Variants in CTNND2 observed in about 807,000 individuals in gnomAD.
The protein encoded by CTNND2 is catenin delta 2.
In CTNND2, 22 loss-of-function variants were observed where a neutral mutation model predicts 144.4. The ratio of observed to expected loss-of-function variants is 0.15; its 90% CI spans 0.11 to 0.22. The LOEUF is 0.22. Ranked by LOEUF, CTNND2 falls within the 10% of genes least tolerant of loss-of-function variation. The pLI, the probability that CTNND2 is intolerant of heterozygous loss-of-function variation, is 1.00. For missense variants in CTNND2, 1,353 were observed against 1,618.8 expected (o/e 0.84, Z 2.82); for synonymous variants, 751 against 695.6 (o/e 1.08, Z -1.25).
At chr5:11,820,721 G>A (rs1793263265) in intron 1 of CTNND2, among the ~76,000 whole-genome samples, 1 of 152,130 alleles carries the variant, frequency 6.6e-6, no homozygotes, top group South Asian at 2.1e-4. Context: ...TCCTGTTAAT[G>A]GGGAACTCAA....
chr5:11,775,657 G>C (rs1034465909), intron 1 of CTNND2, among the ~76,000 whole-genome samples: 1 of 152,190 alleles, frequency 6.6e-6, no homozygotes, highest in African/African-American at 2.4e-5. Context: ...TAAGGGTGCT[G>C]CTGCTTTCAG....
chr5:11,064,652 C>T (rs1204900207), intron 16 of CTNND2, among the ~76,000 whole-genome samples: 1 of 146,176 alleles, frequency 6.8e-6, no homozygotes, highest in Non-Finnish European at 1.6e-5. Flanking sequence ...CTGTTTAAAC[C>T]CCCTACCTCA....
intron 1 of CTNND2, among the ~76,000 whole-genome samples, chr5:11,811,441 T>C (rs1792327845): frequency 6.6e-6 from 1 of 152,150 alleles, no homozygotes; most frequent in South Asian, 2.1e-4. Flanking sequence ...TCTTTAAAGA[T>C]TATCATGAAA....
At chr5:11,832,357 G>A (rs1793951809) in intron 1 of CTNND2, among the ~76,000 whole-genome samples, 1 of 151,824 alleles carries the variant, frequency 6.6e-6, no homozygotes, top group South Asian at 2.1e-4. Flanking sequence ...AAAAGACAAG[G>A]CACAGTCTGG....
At chr5:11,405,578 T>TAA (rs78929620) in intron 5 of CTNND2, among the ~76,000 whole-genome samples, 4 of 145,078 alleles carry the variant, frequency 2.8e-5, no homozygotes, top group African/African-American at 1.0e-4. Flanking sequence ...AGGACTCCGT[T>TAA]AAAAAAAAAA....
At chr5:11,884,033 T>A (rs941823785) in intron 1 of CTNND2, among the ~76,000 whole-genome samples, 4 of 152,342 alleles carry the variant, frequency 2.6e-5, no homozygotes, top group Non-Finnish European at 4.4e-5. Context: ...GGTTGTTTTT[T>A]TCTTGTACAT....
intron 3 of CTNND2, among the ~76,000 whole-genome samples, chr5:11,519,937 G>A (rs971052191): frequency 1.1e-4 from 17 of 151,560 alleles, no homozygotes; most frequent in Admixed American, 7.2e-4. Flanking sequence ...TCAGGAGTTC[G>A]AGACCAGCCT....
chr5:11,632,338 G>A (rs141990187), intron 2 of CTNND2, among the ~76,000 whole-genome samples: 4 of 152,222 alleles, frequency 2.6e-5, no homozygotes, highest in East Asian at 1.9e-4. Flanking sequence ...GGGGTCCTGC[G>A]GTGAGGAGGA....
At chr5:11,369,945 G>A (rs2149780113) in intron 7 of CTNND2, among the ~76,000 whole-genome samples, 1 of 152,266 alleles carries the variant, frequency 6.6e-6, no homozygotes, top group Non-Finnish European at 1.5e-5. Flanking sequence ...ACACAGAAGT[G>A]ATTTTATGTG....
intron 2 of CTNND2, among the ~76,000 whole-genome samples, chr5:11,715,084 G>T (rs1281505046): frequency 2.0e-5 from 3 of 152,132 alleles, no homozygotes; most frequent in Non-Finnish European, 4.4e-5. Flanking sequence ...CTGTCTTAGA[G>T]TGAATTTTTC....
intron 1 of CTNND2, among the ~76,000 whole-genome samples, chr5:11,802,227 G>A (rs1222253565): frequency 6.6e-6 from 1 of 150,408 alleles, no homozygotes; most frequent in East Asian, 2.0e-4. Flanking sequence ...AGCTGAGATC[G>A]CACCACTGCA....
chr5:11,856,942 T>A (rs1413175267), intron 1 of CTNND2, among the ~76,000 whole-genome samples: 1 of 152,194 alleles, frequency 6.6e-6, no homozygotes, highest in South Asian at 2.1e-4. Context: ...TTTTCAAAAT[T>A]ATCAAATTCC....
At chr5:11,055,063 T>G (rs1746213307) in intron 16 of CTNND2, among the ~76,000 whole-genome samples, 1 of 152,146 alleles carries the variant, frequency 6.6e-6, no homozygotes, top group Non-Finnish European at 1.5e-5. Flanking sequence ...GCTTGAAGTG[T>G]GGCAGGACTG....
At chr5:11,713,737 C>G (rs983586562) in intron 2 of CTNND2, among the ~76,000 whole-genome samples, 9 of 152,010 alleles carry the variant, frequency 5.9e-5, no homozygotes, top group African/African-American at 2.2e-4. Flanking sequence ...TCAATACAGA[C>G]AAATAAAATG....
chr5:11,262,578 T>C (rs1369765603), intron 9 of CTNND2, among the ~76,000 whole-genome samples: 4 of 151,578 alleles, frequency 2.6e-5, no homozygotes, highest in East Asian at 3.9e-4. Flanking sequence ...CTGGCTAACA[T>C]GGTGAAACCC....
intron 16 of CTNND2, among the ~76,000 whole-genome samples, chr5:11,039,312 A>T (rs1042298944): frequency 6.6e-6 from 1 of 152,190 alleles, no homozygotes; most frequent in Non-Finnish European, 1.5e-5. Flanking sequence ...TTTTGTACTT[A>T]GTTTTAAATG....
At chr5:11,665,283 G>C (rs775429991) in intron 2 of CTNND2, among the ~76,000 whole-genome samples, 4 of 152,148 alleles carry the variant, frequency 2.6e-5, no homozygotes, top group Non-Finnish European at 4.4e-5. Flanking sequence ...CCAGCTATGA[G>C]ATAGTGAGCA....
intron 3 of CTNND2, among the ~76,000 whole-genome samples, chr5:11,428,577 A>T (rs908947863): frequency 6.6e-6 from 1 of 152,202 alleles, no homozygotes; most frequent in African/African-American, 2.4e-5. Context: ...CAGAGACTAA[A>T]CCACATTCTT....
At chr5:11,867,851 T>G (rs1025262916) in intron 1 of CTNND2, among the ~76,000 whole-genome samples, 1 of 151,358 alleles carries the variant, frequency 6.6e-6, no homozygotes, top group African/African-American at 2.4e-5. Flanking sequence ...ATTTATAAAT[T>G]GTAAGAATTT....
Sources: allele counts gnomAD v4.1 joint callset (sites outside exome capture counted in the v4.1 genomes callset), GRCh38; gene constraint gnomAD v4.1.1; transcripts MANE v1.5; gene names NCBI Gene and HGNC (gene_info 2026-07-23, HGNC 2026-07-21).